Variants in FAM83B observed in about 807,000 individuals in gnomAD.
FAM83B encodes protein FAM83B.
In FAM83B, 26 loss-of-function variants were observed where a neutral mutation model predicts 38.8. The ratio of observed to expected loss-of-function variants is 0.67; its 90% CI spans 0.49 to 0.93. The LOEUF (loss-of-function observed/expected upper bound fraction) is 0.93. FAM83B is among the 40% of genes least tolerant of loss of function. FAM83B has a pLI of 0.00. For missense variants in FAM83B, 1,237 were observed against 1,197.3 expected (o/e 1.03, Z -0.49); for synonymous variants, 419 against 423.1 (o/e 0.99, Z 0.12).
At chr6:54,897,977 C>G (rs958664087) in intron 2 of FAM83B, among the ~76,000 whole-genome samples, 1 of 152,106 alleles carries the variant, frequency 6.6e-6, no homozygotes, top group Non-Finnish European at 1.5e-5. Flanking sequence ...CTAGAATTAT[C>G]AGAAAATTGA....
chr6:54,870,589 C>G lies in FAM83B; in HGVS notation c.343C>G (p.Leu115Val), dbSNP rs933113352. ...DLGWPYVMPG[L>V]LGGTHIDLLF... ...AGGCTGGCCATATGTGATGCCCGGACTCTTAGGGGGCACCCATATAGATCT... is the reference window on the plus strand; with the variant it reads ...AGGCTGGCCATATGTGATGCCCGGAGTCTTAGGGGGCACCCATATAGATCT... Residue 115 changes from leucine (L) to valine (V), a missense_variant, in exon 2 of 5, where the codon CTC becomes GTC. Coordinates refer to ENST00000306858, the MANE Select transcript of FAM83B (RefSeq NM_001010872.3). The G allele has an allele frequency of 6.2e-7, 1 of 1,613,922 alleles. No individual in the cohort carries two copies.
intron 2 of FAM83B, among the ~76,000 whole-genome samples, chr6:54,882,262 T>C (rs1162909903): frequency 6.6e-6 from 1 of 152,194 alleles, no homozygotes; most frequent in Non-Finnish European, 1.5e-5. Context: ...CTCTAGTGGG[T>C]AGGAGAAATA....
intron 4 of FAM83B, among the ~76,000 whole-genome samples, chr6:54,935,696 C>T (rs1476515568): frequency 6.6e-6 from 1 of 152,080 alleles, no homozygotes; most frequent in African/African-American, 2.4e-5. Flanking sequence ...ATCACTTCTG[C>T]TGTTCTGTTG....
At chr6:54,849,273 C>CTG (rs2127570411) in intron 1 of FAM83B, among the ~76,000 whole-genome samples, 1 of 152,298 alleles carries the variant, frequency 6.6e-6, no homozygotes, top group East Asian at 1.9e-4. Context: ...TTCCTTCCCA[C>CTG]TGAGGTGTGC....
chr6:54,897,557 G>C (rs1035605485), intron 2 of FAM83B, among the ~76,000 whole-genome samples: 1 of 151,976 alleles, frequency 6.6e-6, no homozygotes, highest in Admixed American at 6.6e-5. Flanking sequence ...GCAAAACAAC[G>C]TAGAAACCTG....
At chr6:54,924,237 G>C (rs1773237021) in intron 2 of FAM83B, among the ~76,000 whole-genome samples, 1 of 150,712 alleles carries the variant, frequency 6.6e-6, no homozygotes, top group African/African-American at 2.4e-5. Flanking sequence ...CATTTTCTTT[G>C]TGCATCTGTT....
intron 2 of FAM83B, among the ~76,000 whole-genome samples, chr6:54,912,270 T>C (rs2127584847): frequency 6.6e-6 from 1 of 152,078 alleles, no homozygotes; most frequent in Non-Finnish European, 1.5e-5. Context: ...GCTTTTGATA[T>C]AGGCAATCTC....
chr6:54,927,432 C>T, intron 3 of FAM83B, 76 bp from the exon 4 acceptor site: 2 of 1,203,070 alleles, frequency 1.7e-6, no homozygotes, highest in Non-Finnish European at 2.2e-6. Context: ...AAGATTCTAT[C>T]ATGATATGGA....
At chr6:54,893,750 C>CT (rs796245535) in intron 2 of FAM83B, among the ~76,000 whole-genome samples, 222 of 152,106 alleles carry the variant, frequency 1.5e-3, no homozygotes, top group African/African-American at 4.9e-3. Flanking sequence ...GGAAATGATT[C>CT]TTTTTTTACA....
intron 4 of FAM83B, among the ~76,000 whole-genome samples, chr6:54,935,373 A>G (rs936980983): frequency 6.6e-6 from 1 of 152,130 alleles, no homozygotes; most frequent in Non-Finnish European, 1.5e-5. Context: ...TCAGGGGAAT[A>G]TGATAAAGCA....
chr6:54,868,484 C>G (rs372134516), intron 1 of FAM83B, among the ~76,000 whole-genome samples: 2 of 152,050 alleles, frequency 1.3e-5, no homozygotes, highest in East Asian at 3.9e-4. Flanking sequence ...GGATGTATCC[C>G]AATACATGTC....
At chr6:54,878,058 C>T (rs1439720117) in intron 2 of FAM83B, among the ~76,000 whole-genome samples, 1 of 152,106 alleles carries the variant, frequency 6.6e-6, no homozygotes, top group Non-Finnish European at 1.5e-5. Flanking sequence ...GGCCAGGAGG[C>T]ACTGAAAGGA....
intron 2 of FAM83B, among the ~76,000 whole-genome samples, chr6:54,906,407 CAG>C (rs1772777425): frequency 6.6e-6 from 1 of 151,976 alleles, no homozygotes; most frequent in African/African-American, 2.4e-5. Flanking sequence ...TTTTTTGAGA[CAG>C]AGTCTCACTC....
chr6:54,852,155 C>T (rs1771315367), intron 1 of FAM83B, among the ~76,000 whole-genome samples: 1 of 152,180 alleles, frequency 6.6e-6, no homozygotes, highest in Non-Finnish European at 1.5e-5. Context: ...AAAATCTGTA[C>T]AAGTAAAATT....
At chr6:54,939,610 A>G (rs1773607629) in intron 4 of FAM83B, 96 bp from the exon 5 acceptor site, 1 of 1,159,882 alleles carries the variant, frequency 8.6e-7, no homozygotes, top group Non-Finnish European at 1.2e-6. Flanking sequence ...AAAGAAAAGT[A>G]CAAAAACATA....
chr6:54,920,089 T>C (rs1247023036), intron 2 of FAM83B, among the ~76,000 whole-genome samples: 1 of 151,898 alleles, frequency 6.6e-6, no homozygotes, highest in Non-Finnish European at 1.5e-5. Flanking sequence ...GTATATTATA[T>C]ATAAATTTCA....
chr6:54,906,499 C>A (rs71560877), intron 2 of FAM83B, among the ~76,000 whole-genome samples: 8,251 of 152,138 alleles, frequency 0.054, 234 homozygotes, highest in African/African-American at 0.066. Context: ...ATTCTCCTGC[C>A]TCAGCCTCCC....
At chr6:54,903,698 C>G (rs1473189418) in intron 2 of FAM83B, among the ~76,000 whole-genome samples, 1 of 151,972 alleles carries the variant, frequency 6.6e-6, no homozygotes, top group African/African-American at 2.4e-5. Context: ...AAAATCATCT[C>G]AAGTGTTTTT....
intron 2 of FAM83B, among the ~76,000 whole-genome samples, chr6:54,876,031 G>A (rs1051716977): frequency 1.3e-4 from 20 of 152,030 alleles, no homozygotes; most frequent in Admixed American, 1.3e-3. Flanking sequence ...CAGTAACTTA[G>A]AAATTTCAGA....
Sources: allele counts gnomAD v4.1 joint callset (sites outside exome capture counted in the v4.1 genomes callset), GRCh38; gene constraint gnomAD v4.1.1; transcripts MANE v1.5; gene names NCBI Gene and HGNC (gene_info 2026-07-23, HGNC 2026-07-21).